KCNIP1: variants seen among roughly 807,000 people sequenced by gnomAD.
KCNIP1 encodes potassium voltage-gated channel interacting protein 1, also known as A-type potassium channel modulatory protein KCNIP1.
Under a neutral mutation model 33.0 loss-of-function variants are expected in KCNIP1, and 18 were observed. The observed-to-expected ratio is 0.55, with a 90% confidence interval of 0.38 to 0.81. KCNIP1 has a LOEUF of 0.81. Ranked by LOEUF, KCNIP1 falls within the 30% of genes least tolerant of loss-of-function variation. KCNIP1 has a pLI of 0.00. For synonymous variants in KCNIP1, 93 were observed against 98.3 expected, an observed-to-expected ratio of 0.95 and a Z score of 0.32; for missense variants, 238 against 271.6, an observed-to-expected ratio of 0.88 and a Z score of 0.87.
chr5:170,382,113 C>A (rs540447400), intron 1 of KCNIP1, among the ~76,000 whole-genome samples: 1 of 152,170 alleles, frequency 6.6e-6, no homozygotes, highest in African/African-American at 2.4e-5. Flanking sequence ...ACATCTTGGT[C>A]GTGAGTGCTT....
intron 1 of KCNIP1, among the ~76,000 whole-genome samples, chr5:170,610,300 C>T (rs1300332619): frequency 6.6e-6 from 1 of 152,204 alleles, no homozygotes; most frequent in Non-Finnish European, 1.5e-5. Context: ...CTGCATGACA[C>T]AGTGAGCTAT....
Position 170,524,971 on chromosome 5 carries a change from G to A in KCNIP1, c.61+20338G>A, listed in dbSNP as rs541197895. Among the ~76,000 whole-genome samples the A allele has an allele frequency of 3.3e-4, 50 of 152,350 alleles. 1 individual carries two copies. In the South Asian group the frequency reaches 5.0e-3, roughly 15 times the overall value. ...CAGGAGAAGAAAAGTGTGCAACTCAGCTCAGCTTTCCAGGGTAAACCGATG... is the reference window on the plus strand; with the variant it reads ...CAGGAGAAGAAAAGTGTGCAACTCAACTCAGCTTTCCAGGGTAAACCGATG... On this transcript the variant is annotated intron_variant, in intron 1 of 7. Coordinates refer to ENST00000328939, the MANE Select transcript of KCNIP1 (RefSeq NM_014592.4).
intron 1 of KCNIP1, among the ~76,000 whole-genome samples, chr5:170,637,759 C>A (rs897902381): frequency 6.6e-6 from 1 of 152,170 alleles, no homozygotes; most frequent in African/African-American, 2.4e-5. Context: ...ATAACAGACT[C>A]TGTGGGGCCT....
At chr5:170,382,077 T>A (rs1362891331) in intron 1 of KCNIP1, among the ~76,000 whole-genome samples, 2 of 152,102 alleles carry the variant, frequency 1.3e-5, no homozygotes, top group Non-Finnish European at 2.9e-5. Flanking sequence ...AAGTCCGGAC[T>A]GTCAGCATCT....
chr5:170,521,511 TTGAAC>T (rs1755361748), intron 1 of KCNIP1, among the ~76,000 whole-genome samples: 1 of 152,234 alleles, frequency 6.6e-6, no homozygotes, highest in African/African-American at 2.4e-5. Context: ...GTAGAAATCA[TTGAAC>T]TTTCAGAATC....
intron 1 of KCNIP1, among the ~76,000 whole-genome samples, chr5:170,717,306 C>T (rs1234824526): frequency 2.6e-5 from 4 of 152,040 alleles, no homozygotes; most frequent in African/African-American, 9.7e-5. Flanking sequence ...AATGCTTCAG[C>T]GTTTAGATAA....
chr5:170,588,180 G>C (rs1322092110), intron 1 of KCNIP1, among the ~76,000 whole-genome samples: 1 of 152,186 alleles, frequency 6.6e-6, no homozygotes. Context: ...CATAGACTGA[G>C]TCCCCATGCA....
chr5:170,675,049 C>A (rs192707016), intron 1 of KCNIP1, among the ~76,000 whole-genome samples: 7 of 152,046 alleles, frequency 4.6e-5, no homozygotes, highest in African/African-American at 1.7e-4. Flanking sequence ...CACCTGTAAT[C>A]CCAACACTTT....
At chr5:170,451,306 C>T (rs1245994543) in intron 1 of KCNIP1, among the ~76,000 whole-genome samples, 1 of 152,156 alleles carries the variant, frequency 6.6e-6, no homozygotes, top group East Asian at 1.9e-4. Flanking sequence ...AGTCCTTCTA[C>T]CTTATAGATA....
At chr5:170,507,674 T>A (rs76753996) in intron 1 of KCNIP1, among the ~76,000 whole-genome samples, 126 of 152,286 alleles carry the variant, frequency 8.3e-4, no homozygotes, top group Non-Finnish European at 1.5e-3. Flanking sequence ...ATAATACAAT[T>A]TAGAAACATA....
chr5:170,521,972 G>A (rs1755378927), intron 1 of KCNIP1, among the ~76,000 whole-genome samples: 1 of 152,192 alleles, frequency 6.6e-6, no homozygotes, highest in South Asian at 2.1e-4. Context: ...AGGTGAAAGG[G>A]GAGCAGAAAA....
intron 1 of KCNIP1, among the ~76,000 whole-genome samples, chr5:170,598,812 A>C (rs1234524813): frequency 6.6e-6 from 1 of 152,178 alleles, no homozygotes; most frequent in Non-Finnish European, 1.5e-5. Context: ...CTGTCATCAT[A>C]GATGCCAAAG....
At chr5:170,725,292 T>G (rs1264275996) in intron 5 of KCNIP1, among the ~76,000 whole-genome samples, 3 of 152,162 alleles carry the variant, frequency 2.0e-5, no homozygotes, top group Non-Finnish European at 4.4e-5. Context: ...CATCAACAGA[T>G]GAATGGATAA....
At chr5:170,510,660 T>C (rs1754898063) in intron 1 of KCNIP1, among the ~76,000 whole-genome samples, 2 of 152,288 alleles carry the variant, frequency 1.3e-5, no homozygotes, top group South Asian at 2.1e-4. Flanking sequence ...TGGTAGTCAG[T>C]TGGGATATTG....
intron 1 of KCNIP1, chr5:170,353,998 C>A: frequency 2.5e-6 from 4 of 1,580,386 alleles, no homozygotes; most frequent in Non-Finnish European, 3.5e-6. Flanking sequence ...TGCTTTCTGT[C>A]TTGATATGGC....
At chr5:170,705,588 G>A (rs1237176880) in intron 1 of KCNIP1, among the ~76,000 whole-genome samples, 1 of 152,230 alleles carries the variant, frequency 6.6e-6, no homozygotes, top group Non-Finnish European at 1.5e-5. Context: ...TCCACGGACT[G>A]AGATGATCAA....
chr5:170,568,674 T>G (rs1347056157), intron 1 of KCNIP1, among the ~76,000 whole-genome samples: 2 of 14,302 alleles, frequency 1.4e-4, no homozygotes, highest in South Asian at 4.0e-3. Context: ...AAAAAAAAAA[T>G]TAGCCAAGCA....
intron 1 of KCNIP1, among the ~76,000 whole-genome samples, chr5:170,567,929 G>A (rs1757257439): frequency 6.6e-6 from 1 of 152,180 alleles, no homozygotes; most frequent in Non-Finnish European, 1.5e-5. Flanking sequence ...CTTGGCAAAG[G>A]ATGAGATTTG....
intron 1 of KCNIP1, among the ~76,000 whole-genome samples, chr5:170,584,226 G>T (rs1164495491): frequency 6.6e-6 from 1 of 152,230 alleles, no homozygotes; most frequent in East Asian, 1.9e-4. Flanking sequence ...AGCAGCCACG[G>T]GAGCCATGCC....
Sources: allele counts gnomAD v4.1 joint callset (sites outside exome capture counted in the v4.1 genomes callset), GRCh38; gene constraint gnomAD v4.1.1; transcripts MANE v1.5; gene names NCBI Gene and HGNC (gene_info 2026-07-23, HGNC 2026-07-21).